The following RDX variants were observed in gnomAD, a reference collection of about 807,000 sequenced individuals.
The protein encoded by RDX is radixin.
RDX carries 32 observed loss-of-function variants against 83.7 expected under a neutral mutation model. The observed-to-expected ratio is 0.38, with a 90% confidence interval of 0.29 to 0.51. RDX has a LOEUF of 0.51. Ranked by LOEUF, RDX falls within the 20% of genes least tolerant of loss-of-function variation. RDX has a pLI of 0.87. For missense variants in RDX, 600 were observed against 689.9 expected (o/e 0.87, Z 1.46); for synonymous variants, 229 against 222.7 (o/e 1.03, Z -0.25).
At position 110,272,631 on chromosome 11, in the gene RDX, A is replaced by C; in HGVS notation, c.13-12T>G. On this transcript the variant is annotated splice_polypyrimidine_tract_variant and intron_variant, in intron 2 of 13. Coordinates refer to ENST00000645495, the MANE Select transcript of RDX (RefSeq NM_002906.4). Reference sequence around the variant, plus strand: ...ACTCTTACGTTGATCTGTAATAAAAATAAAAGGAATAATAAGTAGAAGAGA... The same window carrying C: ...ACTCTTACGTTGATCTGTAATAAAACTAAAAGGAATAATAAGTAGAAGAGA... The C allele has an allele frequency of 6.4e-7, 1 of 1,563,578 alleles. No individual in the cohort carries two copies. The highest frequency in any genetic ancestry group is 8.8e-7 in the Non-Finnish European group (1 of 1,138,608).
chr11:110,246,151 C>T (rs1201752035), intron 10 of RDX, among the ~76,000 whole-genome samples: 1 of 152,162 alleles, frequency 6.6e-6, no homozygotes, highest in Non-Finnish European at 1.5e-5. Context: ...CTGCCTCAAC[C>T]TCCTAAAGTG....
In RDX at chr11:110,194,975, T is replaced by TTTTTGTTTTG. The variant is rs145277513; in HGVS notation, c.*31+4596_*31+4605dup. On this transcript the variant is annotated intron_variant, in intron 15 of 15. Coordinates refer to the RDX transcript ENST00000528498. ...CTGTAAGAGTGACTTTTTTGGTTGT[T>TTTTTGTTTTG]TTTTGTTTTGTTTTGTTTTGTTTTG... Among the ~76,000 whole-genome samples the TTTTTGTTTTG allele has an allele frequency of 6.3e-3, 945 of 151,008 alleles. 4 individuals carry two copies. The highest frequency in any genetic ancestry group is 0.027 in the Middle Eastern group (8 of 292).
At chr11:110,291,950 A>G (rs1487534856) in intron 1 of RDX, among the ~76,000 whole-genome samples, 2 of 152,136 alleles carry the variant, frequency 1.3e-5, no homozygotes, top group East Asian at 1.9e-4. Context: ...ATTTGAGACC[A>G]GCCTGGGCAA....
chr11:110,211,311 C>T (rs1863828341), intron 14 of RDX, among the ~76,000 whole-genome samples: 1 of 152,132 alleles, frequency 6.6e-6, no homozygotes, highest in South Asian at 2.1e-4. Flanking sequence ...GCACCCAATA[C>T]AGGAGCACCA....
At chr11:110,215,365 AAAAT>A (rs141643262) in intron 14 of RDX, among the ~76,000 whole-genome samples, 6,802 of 141,648 alleles carry the variant, frequency 0.048, 238 homozygotes, top group African/African-American at 0.078. Flanking sequence ...TCCATCTCAA[AAAAT>A]AAATAAATAA....
chr11:110,212,373 C>T (rs1863869935), intron 14 of RDX, among the ~76,000 whole-genome samples: 2 of 116,550 alleles, frequency 1.7e-5, no homozygotes, highest in African/African-American at 6.7e-5. Context: ...AGTCCAGGAC[C>T]AGATGGATTC....
chr11:110,223,116 C>T (rs916359536), intron 14 of RDX, among the ~76,000 whole-genome samples: 4 of 152,026 alleles, frequency 2.6e-5, no homozygotes, highest in African/African-American at 4.8e-5. Flanking sequence ...TTTGAGAGGC[C>T]GAGGGGGACC....
chr11:110,179,896 CTTTTTTCTTTTT>C (rs1473953363), intron 15 of RDX: 12 of 372,936 alleles, frequency 3.2e-5, no homozygotes, highest in Middle Eastern at 5.6e-4. Flanking sequence ...TTTTCTTTTT[CTTTTTTCTTTTT>C]TTTTTTTTTT....
chr11:110,265,280 T>G (rs1440142171), intron 3 of RDX, among the ~76,000 whole-genome samples: 2 of 151,708 alleles, frequency 1.3e-5, no homozygotes, highest in African/African-American at 4.8e-5. Context: ...TTAGTAGAGA[T>G]GGGGTTTCAC....
At chr11:110,277,149 T>C (rs1466651702) in intron 2 of RDX, among the ~76,000 whole-genome samples, 1 of 152,182 alleles carries the variant, frequency 6.6e-6, no homozygotes, top group African/African-American at 2.4e-5. Flanking sequence ...TCCAACTGCA[T>C]ATAATTTTGA....
At chr11:110,237,015 G>T (rs1864880443) in intron 11 of RDX, among the ~76,000 whole-genome samples, 2 of 151,186 alleles carry the variant, frequency 1.3e-5, no homozygotes, top group Non-Finnish European at 2.9e-5. Flanking sequence ...TTAAATCCAG[G>T]ATCTTTTAAG....
At chr11:110,184,650 G>C (rs1591497553) in intron 15 of RDX, among the ~76,000 whole-genome samples, 1 of 152,188 alleles carries the variant, frequency 6.6e-6, no homozygotes, top group East Asian at 1.9e-4. Context: ...CAGCCACACT[G>C]TGCCAGGAAG....
At position 110,229,572 on chromosome 11, in the gene RDX, C is replaced by A. The variant is rs1864545961; in HGVS notation, c.*2297G>T. ...AAAGCCTACTGGGATTTACCAAATA[C>A]TCATTAGTGTATTTTTACATTGACT... is the stretch of plus-strand genomic sequence containing the variant. On this transcript the variant is annotated 3_prime_UTR_variant, in exon 14 of 14. Coordinates refer to ENST00000645495, the MANE Select transcript of RDX (RefSeq NM_002906.4). 1.3e-5 allele frequency: 2 copies of A among 152,448 alleles called. No homozygotes were observed. Among genetic ancestry groups the A allele is most frequent in the Admixed American group, 6.6e-5 (1 of 15,262 alleles). 9.4% of individuals were successfully genotyped at this position (152,448 alleles called of 1,614,324 possible).
intron 2 of RDX, among the ~76,000 whole-genome samples, chr11:110,273,735 TATC>T (rs1245920907): frequency 6.6e-6 from 1 of 152,260 alleles, no homozygotes; most frequent in Admixed American, 6.5e-5. Flanking sequence ...TAAATTATTT[TATC>T]TTTTATTAAC....
At chr11:110,269,383 A>G (rs12225829) in intron 3 of RDX, among the ~76,000 whole-genome samples, 63,959 of 151,982 alleles carry the variant, frequency 0.42, 13,567 homozygotes, top group East Asian at 0.51. Context: ...GCTAAAGGAG[A>G]AGGCTAGTCA....
At chr11:110,281,563 G>C (rs1860761618) in intron 1 of RDX, among the ~76,000 whole-genome samples, 1 of 152,138 alleles carries the variant, frequency 6.6e-6, no homozygotes, top group South Asian at 2.1e-4. Flanking sequence ...CTGAGCTCAA[G>C]TGATCCGCCG....
At chr11:110,225,847 G>C (rs1054426995), downstream of RDX, among the ~76,000 whole-genome samples, 9 of 150,908 alleles carry the variant, frequency 6.0e-5, no homozygotes, top group African/African-American at 2.0e-4. Flanking sequence ...AGGAGTTCAA[G>C]ACCAGCCTAA....
chr11:110,265,367 T>C (rs901919267), intron 3 of RDX, among the ~76,000 whole-genome samples: 1 of 152,010 alleles, frequency 6.6e-6, no homozygotes, highest in African/African-American at 2.4e-5. Flanking sequence ...CTTGGGATTA[T>C]AGGCGTAAGC....
At chr11:110,266,746 G>C (rs544535496) in intron 3 of RDX, among the ~76,000 whole-genome samples, 1 of 150,808 alleles carries the variant, frequency 6.6e-6, no homozygotes, top group Non-Finnish European at 1.5e-5. Flanking sequence ...GTTTTTTTTT[G>C]TTTTGTTTTG....
Sources: allele counts gnomAD v4.1 joint callset (sites outside exome capture counted in the v4.1 genomes callset), GRCh38; gene constraint gnomAD v4.1.1; transcripts MANE v1.5; gene names NCBI Gene and HGNC (gene_info 2026-07-23, HGNC 2026-07-21).